The following MYOZ1 variants were observed in gnomAD, a reference collection of about 807,000 sequenced individuals.
The protein encoded by MYOZ1 is myozenin 1.
MYOZ1 carries 20 observed loss-of-function variants against 28.7 expected under a neutral mutation model. The observed-to-expected ratio is 0.70, with a 90% CI of 0.49 to 1.01. MYOZ1 has a LOEUF of 1.01. Ranked by LOEUF, MYOZ1 falls within the 50% of genes least tolerant of loss-of-function variation. The pLI, the probability that MYOZ1 is intolerant of heterozygous loss-of-function variation, is 0.00. For missense variants in MYOZ1, 371 were observed against 372.4 expected (o/e 1.00, Z 0.03); for synonymous variants, 144 against 145.8 (o/e 0.99, Z 0.09).
rs143203764 is a variant in MYOZ1, at chr10:73,637,882, G to C, written c.114C>G (p.Ile38Met). 6.2e-6 allele frequency: 10 copies of C among 1,613,872 alleles called. No homozygotes were observed. The highest frequency in any genetic ancestry group is 8.5e-6 in the Non-Finnish European group (10 of 1,180,012). The change falls in exon 3 of 6, where the codon ATC (isoleucine) becomes ATG (methionine). Residue 38 changes from isoleucine (I) to methionine (M), a missense_variant. Physicochemically the swap from Ile to Met is conservative, Grantham distance 10. Coordinates refer to ENST00000359322, the MANE Select transcript of MYOZ1 (RefSeq NM_021245.4). ...CCAACATCACATCCCTTGGGACACT[G>C]ATCTTTTTGCCCAGGTTCAAGCCTG... ...ESSGLNLGKK[I>M]SVPRDVMLEE...
chr10:73,636,461 ATT>A (rs34952868), intron 3 of MYOZ1, among the ~76,000 whole-genome samples: 7 of 147,150 alleles, frequency 4.8e-5, no homozygotes, highest in African/African-American at 1.2e-4. Context: ...ACAAATTTTT[ATT>A]TTTTTTTTTT....
chr10:73,634,024 T>C lies in MYOZ1; in HGVS notation c.544A>G (p.Lys182Glu). 4 of 1,614,030 alleles carry C rather than the reference T, an allele frequency of 2.5e-6. No individual in the cohort carries two copies. Among genetic ancestry groups the C allele is most frequent in the Non-Finnish European group, 2.5e-6 (3 of 1,179,974 alleles). The change falls in exon 5 of 6, where the codon AAG (lysine) becomes GAG (glutamate). Residue 182 changes from lysine to glutamate, a missense_variant. Coordinates refer to ENST00000359322, the MANE Select transcript of MYOZ1 (RefSeq NM_021245.4). ...GGEGKHITVF[K>E]TYISPWERAM... ...CGCTCCCATGGGGAAATATAGGTCT[T>C]GAACACAGTGATATGTTTTCCTTCT... is the stretch of plus-strand genomic sequence containing the variant.
intron 3 of MYOZ1, among the ~76,000 whole-genome samples, chr10:73,637,010 C>CTTTTTTTTTTTTTTTTTTTTTTTTTTTTT (rs200349316): frequency 7.3e-6 from 1 of 137,522 alleles, no homozygotes; most frequent in African/African-American, 2.9e-5. Context: ...TTTCTTTTTT[C>CTTTTTTTTTTTTTTTTTTTTTTTTTTTTT]TTTCTTTTTT....
intron 3 of MYOZ1, among the ~76,000 whole-genome samples, chr10:73,636,072 T>A (rs2081665558): frequency 6.6e-6 from 1 of 152,048 alleles, no homozygotes. Context: ...TTTACTCTGC[T>A]CCTATATGAG....
intron 3 of MYOZ1, 79 bp from the exon 4 acceptor site, chr10:73,634,812 G>A: frequency 1.3e-6 from 2 of 1,531,170 alleles, no homozygotes; most frequent in South Asian, 2.5e-5. Context: ...TTTAGCAAAG[G>A]CAGAAATAGT....
intron 3 of MYOZ1, among the ~76,000 whole-genome samples, chr10:73,636,352 T>C (rs1263858337): frequency 6.6e-6 from 1 of 152,164 alleles, no homozygotes; most frequent in Non-Finnish European, 1.5e-5. Flanking sequence ...ATGGCTCAAA[T>C]GGGAGGTGGC....
chr10:73,633,851 A>C (rs1305354536), intron 5 of MYOZ1, 49 bp downstream of exon 5: 12 of 1,538,108 alleles, frequency 7.8e-6, no homozygotes, highest in African/African-American at 2.8e-5. Flanking sequence ...AACTAAAGAC[A>C]CAGTGCCTCA....
Position 73,637,789 on chromosome 10 carries a change from C to G in MYOZ1, c.207G>C (p.Lys69Asn). The change falls in exon 3 of 6, where the codon AAG becomes AAC. Residue 69 changes from lysine (K) to asparagine (N), a missense_variant. Transcript: ENST00000359322. ...MFKLRQMRVE[K>N]FIYENHPDVF... is the part of the protein sequence containing the mutation. ...CATCAGGGTGGTTCTCATAAATAAA[C>G]TTCTCCACCCTCATCTGCCGCAGTT... 6.2e-7 allele frequency: 1 copy of G among 1,614,126 alleles called. No individual in the cohort carries two copies. Among genetic ancestry groups the G allele is most frequent in the South Asian group, 1.1e-5 (1 of 91,072 alleles).
At position 73,633,907 on chromosome 10, in the gene MYOZ1, A is replaced by C. The variant is rs1319196704; in HGVS notation, c.661T>G (p.Phe221Val). The change falls in exon 5 of 6, where the codon TTC becomes GTC. Residue 221 changes from phenylalanine to valine, a missense_variant. Coordinates refer to ENST00000359322, the MANE Select transcript of MYOZ1 (RefSeq NM_021245.4). ...CTTCCTCACCACCCCTACCTGTTGA[A>C]GGACTTATATTTGGGAAGTTCAGCT... Reference protein sequence around the residue: ...AKAELPKYKSFNRTAMPYGGY... With the variant: ...AKAELPKYKSVNRTAMPYGGY... 2 of 1,607,676 alleles carry C rather than the reference A, an allele frequency of 1.2e-6. No homozygotes were observed. The highest frequency in any genetic ancestry group is 8.5e-7 in the Non-Finnish European group (1 of 1,176,882).
intron 1 of MYOZ1, among the ~76,000 whole-genome samples, chr10:73,640,634 A>G (rs959479009): frequency 6.6e-6 from 1 of 152,146 alleles, no homozygotes; most frequent in Admixed American, 6.6e-5. Flanking sequence ...GAGTGTTTAA[A>G]AAACAATAAC....
intron 1 of MYOZ1, among the ~76,000 whole-genome samples, chr10:73,641,005 G>A (rs1437807933): frequency 6.6e-6 from 1 of 152,138 alleles, no homozygotes; most frequent in Non-Finnish European, 1.5e-5. Flanking sequence ...TCATAGCAGT[G>A]GGGAATTGAG....
intron 2 of MYOZ1, among the ~76,000 whole-genome samples, chr10:73,638,821 C>T (rs1415943923): frequency 6.6e-6 from 1 of 151,332 alleles, no homozygotes; most frequent in Non-Finnish European, 1.5e-5. Context: ...CACCCGGCAC[C>T]ATGCCCAGTT....
intron 3 of MYOZ1, among the ~76,000 whole-genome samples, chr10:73,637,484 T>C (rs936103295): frequency 1.3e-5 from 2 of 152,198 alleles, no homozygotes; most frequent in Non-Finnish European, 2.9e-5. Flanking sequence ...TCTTTAACAC[T>C]TACCTTTACT....
Position 73,631,774 on chromosome 10 carries a change from T to A in MYOZ1, c.*156A>T. 1 of 652,538 alleles carries A rather than the reference T, an allele frequency of 1.5e-6. No homozygotes were observed. The highest frequency in any genetic ancestry group is 2.6e-6 in the Non-Finnish European group (1 of 379,998). The allele number at this position is 652,538 out of a possible 1,614,324, so 40.4% of individuals were successfully genotyped here. A position where few individuals can be genotyped will look rare whatever the true frequency, so the allele number is the denominator to read the frequency against. On this transcript the variant is annotated 3_prime_UTR_variant, in exon 6 of 6. Transcript: ENST00000359322. ...AGTTGGTGAGGAAGGATGCGTGGAG[T>A]GGGGACTTGGAGTAAAGGATGGAAA...
At chr10:73,634,344 T>C in intron 4 of MYOZ1, 140 bp downstream of exon 4, 1 of 1,050,970 alleles carries the variant, frequency 9.5e-7, no homozygotes, top group Non-Finnish European at 1.3e-6. Context: ...ATATTTATGA[T>C]ATTTAAACTG....
At chr10:73,637,306 T>C (rs57135853) in intron 3 of MYOZ1, among the ~76,000 whole-genome samples, 193 of 152,270 alleles carry the variant, frequency 1.3e-3, no homozygotes, top group African/African-American at 4.3e-3. Flanking sequence ...TGAGCCACCA[T>C]GCCTGGCTGC....
chr10:73,639,402 G>T (rs557372803), intron 2 of MYOZ1, among the ~76,000 whole-genome samples: 3 of 152,176 alleles, frequency 2.0e-5, no homozygotes, highest in African/African-American at 4.8e-5. Context: ...GATTACAGGC[G>T]TGAGCCACTG....
At chr10:73,640,536 T>C (rs902207529) in intron 1 of MYOZ1, among the ~76,000 whole-genome samples, 2 of 152,164 alleles carry the variant, frequency 1.3e-5, no homozygotes, top group Non-Finnish European at 2.9e-5. Context: ...GAAGTATAGA[T>C]GCACACCAGC....
At position 73,634,024 on chromosome 10, in the gene MYOZ1, T is replaced by G; in HGVS notation, c.544A>C (p.Lys182Gln). Residue 182 changes from lysine to glutamine, a missense_variant, in exon 5 of 6, where the codon AAG becomes CAG. Lys to Gln is a moderately conservative substitution (Grantham distance 53, BLOSUM62 1). Transcript: ENST00000359322. Reference sequence around the variant, plus strand: ...CGCTCCCATGGGGAAATATAGGTCTTGAACACAGTGATATGTTTTCCTTCT... The same window carrying G: ...CGCTCCCATGGGGAAATATAGGTCTGGAACACAGTGATATGTTTTCCTTCT... The part of the protein sequence containing the change: ...GGEGKHITVF[K>Q]TYISPWERAM... 1 of 1,614,030 alleles carries G rather than the reference T, an allele frequency of 6.2e-7. No individual in the cohort carries two copies. The highest frequency in any genetic ancestry group is 8.5e-7 in the Non-Finnish European group (1 of 1,179,974).
Sources: gnomAD v4.1 joint callset for allele counts (sites outside exome capture counted in the v4.1 genomes callset) on GRCh38, gnomAD v4.1.1 for gene constraint, MANE v1.5 for transcripts, NCBI Gene and HGNC (gene_info 2026-07-23, HGNC 2026-07-21) for gene names.